The following DIAPH3 variants were observed in gnomAD, a reference collection of about 807,000 sequenced individuals.
DIAPH3 encodes the protein diaphanous related formin 3.
DIAPH3 carries 117 observed loss-of-function variants against 144.3 expected under a neutral mutation model. The ratio of observed to expected loss-of-function variants is 0.81; its 90% CI spans 0.70 to 0.95. DIAPH3 has a LOEUF of 0.95. Ranked by LOEUF, DIAPH3 falls within the 40% of genes least tolerant of loss-of-function variation. DIAPH3 has a pLI of 0.00. For synonymous variants in DIAPH3, 519 were observed against 488.9 expected (o/e 1.06, Z -0.81); for missense variants, 1,421 against 1,412.7 (o/e 1.01, Z -0.09).
chr13:59,816,157 T>C (rs1271692318), intron 24 of DIAPH3, among the ~76,000 whole-genome samples: 1 of 152,090 alleles, frequency 6.6e-6, no homozygotes, highest in Non-Finnish European at 1.5e-5. Flanking sequence ...TAGGATAAAC[T>C]CAATTTGGAC....
chr13:60,042,897 C>G (rs965907635), intron 4 of DIAPH3, 77 bp from the exon 5 acceptor site: 16 of 1,498,024 alleles, frequency 1.1e-5, no homozygotes, highest in African/African-American at 1.4e-5. Flanking sequence ...GTTAATCTCC[C>G]TAACAGCAGC....
chr13:59,883,255 G>T (rs561795897), intron 20 of DIAPH3, among the ~76,000 whole-genome samples: 1 of 151,914 alleles, frequency 6.6e-6, no homozygotes, highest in East Asian at 1.9e-4. Context: ...TCTCATTATG[G>T]TTCTATTTTT....
At chr13:59,727,580 T>C (rs1005814494) in intron 27 of DIAPH3, among the ~76,000 whole-genome samples, 8 of 152,202 alleles carry the variant, frequency 5.3e-5, no homozygotes, top group Admixed American at 3.9e-4. Context: ...TGTATACATA[T>C]ATATAAGCCC....
intron 1 of DIAPH3, among the ~76,000 whole-genome samples, chr13:60,162,807 T>TCACACACACACA (rs573161924): frequency 2.3e-5 from 3 of 127,966 alleles, no homozygotes; most frequent in African/African-American, 8.5e-5. Flanking sequence ...TCTCTCTCTC[T>TCACACACACACA]CTCACACACA....
Position 59,810,925 on chromosome 13 carries a change from T to TATTACAAAA in DIAPH3, c.3028-3_3028-2insTTTTGTAAT. 9.2e-7 allele frequency: 1 copy of TATTACAAAA among 1,086,436 alleles called. No individual in the cohort carries two copies. Among genetic ancestry groups the TATTACAAAA allele is most frequent in the Admixed American group, 3.1e-5 (1 of 32,108 alleles). 67.3% of individuals were successfully genotyped at this position (1,086,436 alleles called of 1,614,324 possible). On this transcript the variant is annotated splice_region_variant and splice_polypyrimidine_tract_variant and intron_variant, in intron 24 of 27. Transcript: ENST00000400324. ...TTTGATATTCTCCTTTATTGCTTGC[T>TATTACAAAA]AAAAAAATTTTGAAAAATGATCAAT...
intron 27 of DIAPH3, among the ~76,000 whole-genome samples, chr13:59,683,577 T>C (rs73206700): frequency 0.045 from 6,923 of 152,184 alleles, 181 homozygotes; most frequent in African/African-American, 0.054. Context: ...AAGGAAGCTA[T>C]GTAGAAATGC....
intron 27 of DIAPH3, among the ~76,000 whole-genome samples, chr13:59,668,049 C>T (rs965407760): frequency 3.3e-5 from 5 of 152,322 alleles, no homozygotes; most frequent in African/African-American, 1.2e-4. Context: ...GTATGATCAC[C>T]TTTTAGCTGC....
rs185393300 is a variant in DIAPH3, at chr13:59,880,127, T to A, written c.2368-659A>T. On this transcript the variant is annotated intron_variant, in intron 20 of 27. Transcript: ENST00000400324. ...TCTATCACATGCCAAGTTAACCCTG[T>A]CTGGGACTCTAGGTTTCTCTACTGG... Among the ~76,000 whole-genome samples the A allele has an allele frequency of 5.3e-5, 8 of 152,226 alleles. No homozygotes were observed. In the South Asian group the frequency reaches 8.3e-4, roughly 16 times the overall value.
chr13:60,139,058 T>C (rs976591397), intron 1 of DIAPH3, among the ~76,000 whole-genome samples: 1 of 152,212 alleles, frequency 6.6e-6, no homozygotes, highest in Non-Finnish European at 1.5e-5. Context: ...ATAAAGACTA[T>C]GAAAATTTAA....
At chr13:59,945,025 T>C (rs1384667502) in intron 17 of DIAPH3, among the ~76,000 whole-genome samples, 1 of 152,124 alleles carries the variant, frequency 6.6e-6, no homozygotes, top group Non-Finnish European at 1.5e-5. Flanking sequence ...AATGCTTCCT[T>C]TGCCCCTACC....
intron 21 of DIAPH3, among the ~76,000 whole-genome samples, chr13:59,873,638 G>C (rs1475195801): frequency 6.6e-6 from 1 of 150,820 alleles, no homozygotes; most frequent in Non-Finnish European, 1.5e-5. Context: ...GGCATGAGAG[G>C]AAAAGCAGCA....
At chr13:59,861,583 G>A in intron 21 of DIAPH3, 47 bp from the exon 22 acceptor site, 1 of 1,560,016 alleles carries the variant, frequency 6.4e-7, no homozygotes, top group Non-Finnish European at 8.8e-7. Context: ...TAAGTATGTT[G>A]ATATTCTGTC....
chr13:59,972,352 C>T (rs1322929764), intron 15 of DIAPH3, among the ~76,000 whole-genome samples: 2 of 152,048 alleles, frequency 1.3e-5, no homozygotes, highest in African/African-American at 4.8e-5. Context: ...AGATGCATTT[C>T]GATGGATACA....
chr13:60,005,619 T>C (rs1314876993), intron 9 of DIAPH3, among the ~76,000 whole-genome samples: 1 of 152,148 alleles, frequency 6.6e-6, no homozygotes, highest in Non-Finnish European at 1.5e-5. Flanking sequence ...TAGCTGGGAC[T>C]ACAGGCACCC....
intron 27 of DIAPH3, among the ~76,000 whole-genome samples, chr13:59,744,822 T>C (rs980137278): frequency 7.2e-5 from 11 of 152,008 alleles, no homozygotes; most frequent in African/African-American, 2.2e-4. Context: ...AGAAAAAAAT[T>C]GCAATCAGGG....
At chr13:59,903,637 T>A (rs919326407) in intron 20 of DIAPH3, among the ~76,000 whole-genome samples, 2 of 151,780 alleles carry the variant, frequency 1.3e-5, no homozygotes, top group South Asian at 2.1e-4. Flanking sequence ...GTGTGAATTA[T>A]GCACCAAGTT....
chr13:60,059,628 A>G (rs2056689654), intron 4 of DIAPH3, among the ~76,000 whole-genome samples: 1 of 151,978 alleles, frequency 6.6e-6, no homozygotes, highest in Non-Finnish European at 1.5e-5. Flanking sequence ...CTAGTATTGG[A>G]AAATGTTTAC....
intron 4 of DIAPH3, among the ~76,000 whole-genome samples, chr13:60,066,412 G>A (rs1277848329): frequency 6.6e-6 from 1 of 152,034 alleles, no homozygotes; most frequent in East Asian, 1.9e-4. Flanking sequence ...TAAATACAGT[G>A]GTGTTGCTGG....
At chr13:60,105,125 A>AAAAAAAAAAAAAAAAAC (rs2058383698) in intron 3 of DIAPH3, among the ~76,000 whole-genome samples, 1 of 148,538 alleles carries the variant, frequency 6.7e-6, no homozygotes, top group African/African-American at 2.5e-5. Context: ...AAAAAAAAAA[A>AAAAAAAAAAAAAAAAAC]CTGCCAGTGA....
Sources: allele counts gnomAD v4.1 joint callset (sites outside exome capture counted in the v4.1 genomes callset), GRCh38; gene constraint gnomAD v4.1.1; transcripts MANE v1.5; gene names NCBI Gene and HGNC (gene_info 2026-07-23, HGNC 2026-07-21).